The following GRIN2A variants were observed in gnomAD, a reference collection of about 807,000 sequenced individuals.
GRIN2A encodes the protein glutamate ionotropic receptor NMDA type subunit 2A, also known as glutamate receptor ionotropic, NMDA 2A.
A neutral mutation model predicts 113.4 loss-of-function variants in GRIN2A; 22 were observed. The observed-to-expected ratio is 0.19, with a 90% CI of 0.14 to 0.28. The LOEUF is 0.28. Among genes scored for constraint, GRIN2A ranks in the 10% least tolerant of loss-of-function variants. The pLI is 1.00. For missense variants in GRIN2A, 1,502 were observed against 1,887.0 expected, an observed-to-expected ratio of 0.80 and a Z score of 3.78; for synonymous variants, 827 against 738.4, an observed-to-expected ratio of 1.12 and a Z score of -1.94.
intron 2 of GRIN2A, among the ~76,000 whole-genome samples, chr16:10,168,179 C>T (rs981996822): frequency 2.0e-5 from 3 of 152,114 alleles, no homozygotes; most frequent in Admixed American, 6.5e-5. Flanking sequence ...AATATGAGGC[C>T]GGCTGACCTA....
intron 11 of GRIN2A, among the ~76,000 whole-genome samples, chr16:9,773,312 C>T (rs140801899): frequency 2.0e-4 from 31 of 152,286 alleles, no homozygotes; most frequent in Non-Finnish European, 3.4e-4. Flanking sequence ...GAACTTGCAG[C>T]GGGCTTGAGA....
At chr16:10,064,412 G>C (rs1212590863) in intron 2 of GRIN2A, among the ~76,000 whole-genome samples, 1 of 152,132 alleles carries the variant, frequency 6.6e-6, no homozygotes, top group African/African-American at 2.4e-5. Context: ...CCAAAGCCCT[G>C]CACCAGAGAT....
intron 2 of GRIN2A, among the ~76,000 whole-genome samples, chr16:10,027,995 C>T (rs981455203): frequency 6.6e-6 from 1 of 152,120 alleles, no homozygotes; most frequent in South Asian, 2.1e-4. Flanking sequence ...CAGAACAGTG[C>T]GGGAGGTTGG....
chr16:9,959,649 A>G (rs780685731), intron 2 of GRIN2A, among the ~76,000 whole-genome samples: 2 of 152,224 alleles, frequency 1.3e-5, no homozygotes, highest in Non-Finnish European at 2.9e-5. Context: ...GGGCTTGCCA[A>G]TGGTTTTCTT....
At chr16:9,827,989 C>G (rs1051928350) in intron 9 of GRIN2A, among the ~76,000 whole-genome samples, 2 of 151,860 alleles carry the variant, frequency 1.3e-5, no homozygotes, top group African/African-American at 4.8e-5. Context: ...TATTTTTTTC[C>G]TACTAGAATT....
chr16:9,880,859 C>A (rs2043465928), intron 4 of GRIN2A, among the ~76,000 whole-genome samples: 1 of 152,206 alleles, frequency 6.6e-6, no homozygotes, highest in Non-Finnish European at 1.5e-5. Flanking sequence ...TAACATCTCT[C>A]TTCTCTAAAC....
At chr16:9,791,074 T>C (rs1386530358) in intron 11 of GRIN2A, among the ~76,000 whole-genome samples, 1 of 152,158 alleles carries the variant, frequency 6.6e-6, no homozygotes, top group African/African-American at 2.4e-5. Flanking sequence ...AAAATGAGAC[T>C]CTAAGAAATT....
At chr16:9,932,525 A>G (rs1596610427) in intron 3 of GRIN2A, among the ~76,000 whole-genome samples, 1 of 151,606 alleles carries the variant, frequency 6.6e-6, no homozygotes, top group Non-Finnish European at 1.5e-5. Flanking sequence ...ACAGGCGTGC[A>G]CCACCACACC....
At chr16:9,907,097 A>G (rs1188603110) in intron 3 of GRIN2A, among the ~76,000 whole-genome samples, 1 of 152,210 alleles carries the variant, frequency 6.6e-6, no homozygotes, top group Non-Finnish European at 1.5e-5. Context: ...ACAGGCATGA[A>G]TCACGATGCC....
intron 2 of GRIN2A, among the ~76,000 whole-genome samples, chr16:10,061,079 A>G (rs1393832234): frequency 2.0e-5 from 3 of 152,226 alleles, no homozygotes; most frequent in Admixed American, 2.0e-4. Flanking sequence ...ATGCTGGGGT[A>G]GGATTTCTGA....
At position 10,180,511 on chromosome 16, in the gene GRIN2A, T is replaced by C. The variant is rs2050247388; in HGVS notation, c.-18-82A>G. On this transcript the variant is annotated intron_variant, in intron 1 of 12. Coordinates refer to ENST00000330684, the MANE Select transcript of GRIN2A (RefSeq NM_001134407.3). The surrounding 1 kb of genome is among the most constrained non-coding windows in gnomAD (Gnocchi z 7.0). The stretch of plus-strand genomic sequence containing the variant: ...GGATTACCAACTTGGCTTCCTGCTC[T>C]AGGAGCCAGGCATGGAACTCAGCAG... The C allele has an allele frequency of 2.6e-6, 4 of 1,533,580 alleles. No homozygotes were observed. Among genetic ancestry groups the C allele is most frequent in the Non-Finnish European group, 3.5e-6 (4 of 1,145,844 alleles). The allele number at this position is 1,533,580 out of a possible 1,614,324, so 95.0% of individuals were successfully genotyped here. A position where few individuals can be genotyped will look rare whatever the true frequency, so the allele number is the denominator to read the frequency against.
chr16:9,857,497 A>G (rs2042989536), intron 4 of GRIN2A, among the ~76,000 whole-genome samples: 1 of 152,360 alleles, frequency 6.6e-6, no homozygotes, highest in Middle Eastern at 3.4e-3. Context: ...AGTTTTTTAA[A>G]AACAGCAAAT....
At chr16:9,893,265 T>A (rs562762136) in intron 3 of GRIN2A, among the ~76,000 whole-genome samples, 1 of 152,324 alleles carries the variant, frequency 6.6e-6, no homozygotes, top group African/African-American at 2.4e-5. Context: ...GGCTTGTCTA[T>A]GTCTAAAAGG....
chr16:10,036,126 T>C (rs1228332675), intron 2 of GRIN2A, among the ~76,000 whole-genome samples: 2 of 150,484 alleles, frequency 1.3e-5, no homozygotes, highest in Admixed American at 1.3e-4. Flanking sequence ...CTTGCATAAC[T>C]GAGATCAGGG....
chr16:9,975,745 C>G (rs1316001977), intron 2 of GRIN2A, among the ~76,000 whole-genome samples: 1 of 152,188 alleles, frequency 6.6e-6, no homozygotes, highest in Admixed American at 6.5e-5. Flanking sequence ...CAAACAAAAA[C>G]AAGACCAACT....
intron 4 of GRIN2A, among the ~76,000 whole-genome samples, chr16:9,874,857 A>C (rs1465668266): frequency 6.6e-6 from 1 of 151,988 alleles, no homozygotes; most frequent in Non-Finnish European, 1.5e-5. Context: ...AGGCCAAGGC[A>C]GGCAGATTGC....
At chr16:10,152,854 A>G (rs115619040) in intron 2 of GRIN2A, among the ~76,000 whole-genome samples, 2,018 of 152,354 alleles carry the variant, frequency 0.013, 51 homozygotes, top group African/African-American at 0.047. Context: ...TACATACTGT[A>G]TGATTCCAAC....
chr16:10,171,140 A>T (rs1281201785), intron 2 of GRIN2A, among the ~76,000 whole-genome samples: 1 of 152,216 alleles, frequency 6.6e-6, no homozygotes, highest in Admixed American at 6.5e-5. Context: ...AATCAAATGT[A>T]TTCGTAGTCA....
chr16:9,934,801 C>T (rs891754863), intron 3 of GRIN2A, among the ~76,000 whole-genome samples: 1 of 150,962 alleles, frequency 6.6e-6, no homozygotes, highest in Non-Finnish European at 1.5e-5. Context: ...TTCCACTATT[C>T]CCTGGGGTGG....
Sources: gnomAD v4.1 joint callset for allele counts (sites outside exome capture counted in the v4.1 genomes callset) on GRCh38, gnomAD v4.1.1 for gene constraint, Gnocchi (gnomAD v3.1) non-coding constraint, MANE v1.5 for transcripts, NCBI Gene and HGNC (gene_info 2026-07-23, HGNC 2026-07-21) for gene names.